Variants in SPMAP2L observed in about 807,000 individuals in gnomAD.
SPMAP2L encodes sperm microtubule associated protein 2 like.
the SPMAP2L span, among the ~76,000 whole-genome samples, chr4:56,592,449 C>G: frequency 2.0e-5 from 3 of 152,242 alleles, no homozygotes; most frequent in Admixed American, 2.0e-4. Context: ...TGAAAAGCTA[C>G]GTTGGGGAGC....
the SPMAP2L span, among the ~76,000 whole-genome samples, chr4:56,534,928 TCAACAACAACAACAAA>T: frequency 1.3e-5 from 2 of 151,876 alleles, no homozygotes; most frequent in African/African-American, 4.8e-5. Flanking sequence ...AAACTCCATC[TCAACAACAACAACAAA>T]CAACAACAAC....
chr4:56,575,763 A>T, the SPMAP2L span: 6 of 934,740 alleles, frequency 6.4e-6, no homozygotes, highest in Non-Finnish European at 9.1e-6. Context: ...GTTCCAAAGC[A>T]TCAGGTAAAA....
the SPMAP2L span, among the ~76,000 whole-genome samples, chr4:56,543,970 A>G: frequency 0.037 from 2,122 of 57,864 alleles, no homozygotes; most frequent in African/African-American, 0.044. Flanking sequence ...GTGTGTGTGT[A>G]TGTGAGAGAG....
chr4:56,583,438 A>G, the SPMAP2L span, among the ~76,000 whole-genome samples: 2 of 152,182 alleles, frequency 1.3e-5, no homozygotes, highest in African/African-American at 4.8e-5. Context: ...ACTGAATTGT[A>G]TACTTTAAAA....
the SPMAP2L span, chr4:56,530,924 A>G: frequency 6.5e-7 from 1 of 1,535,118 alleles, no homozygotes. Context: ...CATGAGTCCT[A>G]TGAGCCCCAC....
At chr4:56,616,667 A>G in the SPMAP2L span, among the ~76,000 whole-genome samples, 2 of 152,230 alleles carry the variant, frequency 1.3e-5, no homozygotes, top group Non-Finnish European at 2.9e-5. Flanking sequence ...AGAAATAGCC[A>G]GGGCTGTAGA....
the SPMAP2L span, among the ~76,000 whole-genome samples, chr4:56,537,528 G>T: frequency 1.3e-5 from 2 of 152,088 alleles, no homozygotes; most frequent in African/African-American, 4.8e-5. Context: ...AGTTACTCAA[G>T]CTAAAGAAAA....
the SPMAP2L span, among the ~76,000 whole-genome samples, chr4:56,546,370 A>G: frequency 7.2e-5 from 11 of 152,180 alleles, no homozygotes; most frequent in Non-Finnish European, 2.9e-5. Flanking sequence ...CAGCCATTAA[A>G]TGATATGATA....
the SPMAP2L span, among the ~76,000 whole-genome samples, chr4:56,607,763 G>T: frequency 5.9e-5 from 9 of 152,184 alleles, no homozygotes; most frequent in Non-Finnish European, 1.0e-4. Context: ...TGAGGTGGGA[G>T]GATAGCTTGA....
the SPMAP2L span, among the ~76,000 whole-genome samples, chr4:56,550,026 C>A: frequency 6.6e-6 from 1 of 152,018 alleles, no homozygotes; most frequent in Non-Finnish European, 1.5e-5. Flanking sequence ...TAAATAATAC[C>A]AGATTTTATT....
chr4:56,610,889 A>G, the SPMAP2L span, among the ~76,000 whole-genome samples: 1 of 152,346 alleles, frequency 6.6e-6, no homozygotes. Context: ...TCAAAACCAC[A>G]ATGCGATACC....
the SPMAP2L span, among the ~76,000 whole-genome samples, chr4:56,544,630 AT>A: frequency 1.3e-5 from 2 of 151,756 alleles, no homozygotes; most frequent in Non-Finnish European, 2.9e-5. Flanking sequence ...TTTTTTTTAA[AT>A]TTCAACTTGT....
At chr4:56,622,246 A>C in the SPMAP2L span, among the ~76,000 whole-genome samples, 1 of 152,266 alleles carries the variant, frequency 6.6e-6, no homozygotes, top group Non-Finnish European at 1.5e-5. Flanking sequence ...ATCTTGACTC[A>C]TCCACACAAA....
the SPMAP2L span, chr4:56,559,354 A>AT: frequency 0.9 from 1,036,744 of 1,152,408 alleles, 465,554 homozygotes; most frequent in Admixed American, 0.92. Context: ...CTAGCAATCA[A>AT]TTTTTTTTTA....
At chr4:56,595,564 C>T in the SPMAP2L span, 2 of 1,393,712 alleles carry the variant, frequency 1.4e-6, no homozygotes, top group South Asian at 2.3e-5. Flanking sequence ...AGAGAGGTGG[C>T]AGCATTCCCA....
chr4:56,583,284 AT>A, the SPMAP2L span, among the ~76,000 whole-genome samples: 1 of 148,756 alleles, frequency 6.7e-6, no homozygotes, highest in Non-Finnish European at 1.5e-5. Flanking sequence ...AGAAAAAAAA[AT>A]AAAAGGAAAA....
At chr4:56,584,604 CA>C in the SPMAP2L span, 1 of 1,533,240 alleles carries the variant, frequency 6.5e-7, no homozygotes, top group Non-Finnish European at 8.7e-7. Context: ...TATCATCCTT[CA>C]AAAAAAGTAA....
chr4:56,611,380 A>G, the SPMAP2L span, among the ~76,000 whole-genome samples: 1 of 152,282 alleles, frequency 6.6e-6, no homozygotes, highest in African/African-American at 2.4e-5. Flanking sequence ...AGCTATGAGG[A>G]TGCAAAGGCA....
chr4:56,572,530 G>T, the SPMAP2L span, among the ~76,000 whole-genome samples: 1 of 152,194 alleles, frequency 6.6e-6, no homozygotes, highest in East Asian at 1.9e-4. Flanking sequence ...TGCTCAATAC[G>T]TATTTTTTGA....
Sources: allele counts gnomAD v4.1 joint callset (sites outside exome capture counted in the v4.1 genomes callset), GRCh38; gene constraint gnomAD v4.1.1; transcripts MANE v1.5; gene names NCBI Gene and HGNC (gene_info 2026-07-23, HGNC 2026-07-21).